Variants in SLC28A2 observed in about 807,000 individuals in gnomAD.
The protein encoded by SLC28A2 is sodium/nucleoside cotransporter 2.
In SLC28A2, 69 loss-of-function variants were observed where a neutral mutation model predicts 72.9. That is an observed-to-expected ratio of 0.95 (90% CI 0.78 to 1.16). The LOEUF (loss-of-function observed/expected upper bound fraction) is 1.16, where lower values mean the gene tolerates loss of function less well. Among genes scored for constraint, SLC28A2 ranks in the 50% most tolerant of loss-of-function variants. The pLI is 0.00. For missense variants in SLC28A2, 745 were observed against 791.1 expected (o/e 0.94, Z 0.70); for synonymous variants, 296 against 294.1 (o/e 1.01, Z -0.07).
intron 13 of SLC28A2, among the ~76,000 whole-genome samples, chr15:45,268,718 G>A (rs961830743): frequency 6.6e-6 from 1 of 152,036 alleles, no homozygotes; most frequent in African/African-American, 2.4e-5. Flanking sequence ...ACATGCACAC[G>A]TATGTTTATT....
intron 3 of SLC28A2, among the ~76,000 whole-genome samples, chr15:45,255,716 C>T (rs1899955687): frequency 6.6e-6 from 1 of 152,132 alleles, no homozygotes; most frequent in Non-Finnish European, 1.5e-5. Context: ...TTCCACCATA[C>T]ACATACAGCA....
chr15:45,253,742 A>G, intron 3 of SLC28A2: 1 of 394,362 alleles, frequency 2.5e-6, no homozygotes, highest in Non-Finnish European at 4.6e-6. Flanking sequence ...AATAATAACA[A>G]TGGTAATAAT....
chr15:45,265,070 T>C lies in SLC28A2; in HGVS notation c.703-19T>C, dbSNP rs760604639. ...GGGTTTCATTCTTATTCTCTGTCTT[T>C]TTCTTTTTTTCCCTTCAGATTTTCC... On this transcript the variant is annotated intron_variant, in intron 7 of 17. Transcript: ENST00000347644. The C allele has an allele frequency of 5.0e-6, 8 of 1,586,702 alleles. No homozygotes were observed. The East Asian group carries it at 1.3e-4, about 27-fold the overall frequency.
chr15:45,264,525 C>T, intron 6 of SLC28A2, 130 bp from the exon 7 acceptor site: 1 of 650,486 alleles, frequency 1.5e-6, no homozygotes, highest in East Asian at 2.7e-5. Flanking sequence ...GCCCCTGCTC[C>T]CTATGCCATC....
chr15:45,268,157 G>A, intron 12 of SLC28A2, 53 bp from the exon 13 acceptor site: 1 of 1,524,386 alleles, frequency 6.6e-7, no homozygotes, highest in Non-Finnish European at 9.0e-7. Flanking sequence ...CTTCTCTGAG[G>A]GGCTGAGACT....
At chr15:45,275,369 A>G (rs773827420) in intron 17 of SLC28A2, 27 bp from the exon 18 acceptor site, 1 of 1,345,716 alleles carries the variant, frequency 7.4e-7, no homozygotes, top group Non-Finnish European at 1.1e-6. Flanking sequence ...CTGACCCCTT[A>G]TGTACCTCTC....
In SLC28A2 at chr15:45,258,331, G is replaced by A. The variant is rs1252354518; in HGVS notation, c.171-3684G>A. 2.0e-5 allele frequency among the ~76,000 whole-genome samples: 3 copies of A among 149,320 alleles called. No individual in the cohort carries two copies. In the East Asian group the frequency reaches 5.9e-4, roughly 29 times the overall value. ...TAGTTTAACTGGTACAGTTTTTTTT[G>A]CCTTTTTAGTGTAATGTTTAATAAA... On this transcript the variant is annotated intron_variant, in intron 3 of 17. Transcript: ENST00000347644.
rs1195366774 is a variant in SLC28A2, at chr15:45,277,424, A to G, written c.*1911A>G. 6.6e-6 allele frequency: 1 copy of G among 151,920 alleles called. No homozygotes were observed. The highest frequency in any genetic ancestry group is 1.5e-5 in the Non-Finnish European group (1 of 67,996). 9.4% of individuals were successfully genotyped at this position (151,920 alleles called of 1,614,324 possible). ...TATTCAAAATAGCCAAAAATTGGAA[A>G]CAGTCTAAATGTCCATCAATGGATA... On this transcript the variant is annotated 3_prime_UTR_variant, in exon 18 of 18. Transcript: ENST00000347644.
chr15:45,264,346 A>G (rs887486042), intron 6 of SLC28A2, among the ~76,000 whole-genome samples: 1 of 152,228 alleles, frequency 6.6e-6, no homozygotes, highest in African/African-American at 2.4e-5. Flanking sequence ...GAAAATCAAC[A>G]CGCAGTGCAG....
Position 45,253,314 on chromosome 15 carries a change from T to C in SLC28A2, c.81+18T>C, listed in dbSNP as rs192615899. On this transcript the variant is annotated intron_variant, in intron 2 of 17. Coordinates refer to ENST00000347644, the MANE Select transcript of SLC28A2 (RefSeq NM_004212.4). ...AGCTCATGGTAATCACCAGTTTAGTTTCTCTCTGCAGAGCTGTGGGCTGCT... is the reference window on the plus strand; with the variant it reads ...AGCTCATGGTAATCACCAGTTTAGTCTCTCTCTGCAGAGCTGTGGGCTGCT... 4.7e-5 allele frequency: 75 copies of C among 1,603,376 alleles called. No individual in the cohort carries two copies. The East Asian group carries it at 1.5e-3, about 33-fold the overall frequency.
intron 3 of SLC28A2, among the ~76,000 whole-genome samples, chr15:45,261,373 A>G (rs954928544): frequency 6.6e-6 from 1 of 152,214 alleles, no homozygotes; most frequent in African/African-American, 2.4e-5. Context: ...ATACTGTAAA[A>G]TGGGAATGCT....
chr15:45,257,521 A>C (rs186957621), intron 3 of SLC28A2, among the ~76,000 whole-genome samples: 2 of 152,354 alleles, frequency 1.3e-5, no homozygotes, highest in East Asian at 3.9e-4. Context: ...CATGTTAATA[A>C]GTTATGTATA....
chr15:45,275,374 C>A (rs759045876), intron 17 of SLC28A2, 22 bp from the exon 18 acceptor site: 1 of 1,400,538 alleles, frequency 7.1e-7, no homozygotes, highest in Non-Finnish European at 1.0e-6. Context: ...CCCTTATGTA[C>A]CTCTCTGGTT....
At chr15:45,264,790 G>C in intron 7 of SLC28A2, 22 bp downstream of exon 7, 1 of 1,442,522 alleles carries the variant, frequency 6.9e-7, no homozygotes, top group Non-Finnish European at 9.8e-7. Context: ...TAAATGCGAG[G>C]GCTTTTCTCT....
Position 45,253,470 on chromosome 15 carries a change from C to G in SLC28A2, c.120C>G (p.Asp40Glu), listed in dbSNP as rs761731023. 1 of 1,613,884 alleles carries G rather than the reference C, an allele frequency of 6.2e-7. No individual in the cohort carries two copies. Among genetic ancestry groups the G allele is most frequent in the Middle Eastern group, 1.6e-4 (1 of 6,062 alleles). ...AGCCTGAGGGAAGCAAGAGGACTGACGCACAAGGACACAGCCTGGGGGATG... is the reference window on the plus strand; with the variant it reads ...AGCCTGAGGGAAGCAAGAGGACTGAGGCACAAGGACACAGCCTGGGGGATG... Reference protein sequence around the residue: ...EVEPEGSKRTDAQGHSLGDGL... With the variant: ...EVEPEGSKRTEAQGHSLGDGL... The change falls in exon 3 of 18, where the codon GAC becomes GAG. Residue 40 changes from aspartate to glutamate, a missense_variant. Asp to Glu is a conservative substitution (Grantham distance 45, BLOSUM62 2). Coordinates refer to ENST00000347644, the MANE Select transcript of SLC28A2 (RefSeq NM_004212.4).
In SLC28A2 at chr15:45,265,676, C is replaced by T; in HGVS notation, c.861+13C>T. ...GGTAGTTCAGAAGGTGAGTCGTTCT[C>T]TTACACCAGTCAGGAGACAGGCCTT... On this transcript the variant is annotated intron_variant, in intron 9 of 17. Coordinates refer to ENST00000347644, the MANE Select transcript of SLC28A2 (RefSeq NM_004212.4). 1 of 1,571,406 alleles carries T rather than the reference C, an allele frequency of 6.4e-7. No homozygotes were observed. The highest frequency in any genetic ancestry group is 8.8e-7 in the Non-Finnish European group (1 of 1,141,084).
intron 3 of SLC28A2, among the ~76,000 whole-genome samples, chr15:45,255,574 G>A (rs1899951416): frequency 6.6e-6 from 1 of 152,090 alleles, no homozygotes; most frequent in Admixed American, 6.5e-5. Context: ...CTTTAGTCTA[G>A]ATGAAATAAT....
intron 5 of SLC28A2, 74 bp from the exon 6 acceptor site, chr15:45,263,807 C>T (rs1319133636): frequency 1.2e-5 from 18 of 1,446,798 alleles, no homozygotes; most frequent in South Asian, 2.7e-5. Flanking sequence ...GAGAGAATAA[C>T]TTTCAGACTC....
chr15:45,258,747 T>C (rs1168937998), intron 3 of SLC28A2, among the ~76,000 whole-genome samples: 2 of 152,254 alleles, frequency 1.3e-5, no homozygotes, highest in Non-Finnish European at 2.9e-5. Context: ...CTCATTTTAC[T>C]GTGGGTCTGA....
Sources: gnomAD v4.1 joint callset for allele counts (sites outside exome capture counted in the v4.1 genomes callset) on GRCh38, gnomAD v4.1.1 for gene constraint, MANE v1.5 for transcripts, NCBI Gene and HGNC (gene_info 2026-07-23, HGNC 2026-07-21) for gene names.